Variants in MYLIP observed in about 807,000 individuals in gnomAD.
The protein encoded by MYLIP is E3 ubiquitin-protein ligase MYLIP.
A neutral mutation model predicts 45.8 loss-of-function variants in MYLIP; 26 were observed. The observed-to-expected ratio is 0.57, with a 90% CI of 0.42 to 0.79. MYLIP has a LOEUF of 0.79. Among genes scored for constraint, MYLIP ranks in the 30% least tolerant of loss-of-function variants. MYLIP has a pLI of 0.00. For missense variants in MYLIP, 494 were observed against 555.6 expected (o/e 0.89, Z 1.11); for synonymous variants, 213 against 218.1 (o/e 0.98, Z 0.21).
chr6:16,158,890 A>G, the MYLIP span, among the ~76,000 whole-genome samples: 1 of 152,126 alleles, frequency 6.6e-6, no homozygotes, highest in East Asian at 1.9e-4. Context: ...AAAACAAAAC[A>G]AAACAAAGAT....
chr6:16,129,142 C>T lies in MYLIP; in HGVS notation c.-181C>T, dbSNP rs1308581678. 9 of 595,268 alleles carry T rather than the reference C, an allele frequency of 1.5e-5. No homozygotes were observed. The highest frequency in any genetic ancestry group is 2.3e-5 in the Non-Finnish European group (8 of 344,280). 36.9% of individuals were successfully genotyped at this position (595,268 alleles called of 1,614,324 possible). A position where few individuals can be genotyped will look rare whatever the true frequency, so the allele number is the denominator to read the frequency against. On this transcript the variant is annotated 5_prime_UTR_variant, in exon 1 of 7. Coordinates refer to ENST00000356840, the MANE Select transcript of MYLIP (RefSeq NM_013262.4). This position sits in a 1 kb window ranked among gnomAD's most constrained non-coding sequence, Gnocchi z 5.1. ...GAGGACAGGGGCAGCTGGCGGGCAG[C>T]GGGTGAGGGGGTGGCGGGGACGCGA...
intron 2 of MYLIP, among the ~76,000 whole-genome samples, chr6:16,131,974 G>C (rs1403709011): frequency 6.6e-6 from 1 of 152,126 alleles, no homozygotes; most frequent in African/African-American, 2.4e-5. Context: ...GTATTAATCA[G>C]AATAGACTTT....
At chr6:16,138,461 T>A (rs577912528) in intron 2 of MYLIP, among the ~76,000 whole-genome samples, 1 of 152,322 alleles carries the variant, frequency 6.6e-6, no homozygotes, top group South Asian at 2.1e-4. Flanking sequence ...GTTGGAAACA[T>A]GTCTCTGAGC....
At chr6:16,130,118 C>T (rs1581599797) in intron 1 of MYLIP, among the ~76,000 whole-genome samples, 2 of 152,198 alleles carry the variant, frequency 1.3e-5, no homozygotes, top group Middle Eastern at 3.2e-3. Flanking sequence ...GCTTGTGAAG[C>T]TTAGCTGACA....
chr6:16,161,359 C>T, the MYLIP span: 4 of 246,780 alleles, frequency 1.6e-5, no homozygotes, highest in Non-Finnish European at 3.3e-5. Flanking sequence ...TGTGCCTTCT[C>T]CTGCTGCTGC....
At chr6:16,153,700 G>A in the MYLIP span, among the ~76,000 whole-genome samples, 1 of 152,194 alleles carries the variant, frequency 6.6e-6, no homozygotes, top group Admixed American at 6.5e-5. Context: ...GTGTGCCAGA[G>A]TTAGGGGAGA....
At position 16,141,939 on chromosome 6, in the gene MYLIP, G is replaced by A. The variant is rs148538197; in HGVS notation, c.464+129G>A. ...TACATTTTTGAGCTCTCTGATGTTCGAGGCACTTAAGAAGTCATACATAAT... is the reference window on the plus strand; with the variant it reads ...TACATTTTTGAGCTCTCTGATGTTCAAGGCACTTAAGAAGTCATACATAAT... On this transcript the variant is annotated intron_variant, in intron 3 of 6. Transcript: ENST00000356840. 721 of 845,344 alleles carry A rather than the reference G, an allele frequency of 8.5e-4. 6 individuals carry two copies. The African/African-American group carries it at 0.011, about 13-fold the overall frequency. 52.4% of individuals were successfully genotyped at this position (845,344 alleles called of 1,614,324 possible).
chr6:16,143,995 T>C lies in MYLIP; in HGVS notation c.827+132T>C, dbSNP rs1020345790. ...CAGAATTTAAGAAATTCTGAACATTTTGTTTCCGTAGTAGCAGTGGAGTCC... is the reference window on the plus strand; with the variant it reads ...CAGAATTTAAGAAATTCTGAACATTCTGTTTCCGTAGTAGCAGTGGAGTCC... On this transcript the variant is annotated intron_variant, in intron 5 of 6. Transcript: ENST00000356840. The C allele has an allele frequency of 2.7e-6, 3 of 1,101,434 alleles. No individual in the cohort carries two copies. In the African/African-American group the frequency reaches 4.8e-5, roughly 17 times the overall value. 68.2% of individuals were successfully genotyped at this position (1,101,434 alleles called of 1,614,324 possible).
chr6:16,153,247 G>T (rs1035550612), downstream of MYLIP, among the ~76,000 whole-genome samples: 7 of 152,184 alleles, frequency 4.6e-5, no homozygotes, highest in African/African-American at 7.2e-5. Flanking sequence ...GAATTTAAAA[G>T]CTCGTCTCCA....
At chr6:16,154,986 T>A in the MYLIP span, among the ~76,000 whole-genome samples, 1 of 152,160 alleles carries the variant, frequency 6.6e-6, no homozygotes, top group Non-Finnish European at 1.5e-5. Context: ...GAAAGGACTG[T>A]GGAAATCAAC....
At chr6:16,141,112 A>G (rs933676872) in intron 2 of MYLIP, among the ~76,000 whole-genome samples, 4 of 152,184 alleles carry the variant, frequency 2.6e-5, no homozygotes, top group African/African-American at 9.7e-5. Flanking sequence ...AATGAGCCAA[A>G]ATTGAGGTAC....
At chr6:16,134,948 C>T (rs1490797184) in intron 2 of MYLIP, among the ~76,000 whole-genome samples, 2 of 151,980 alleles carry the variant, frequency 1.3e-5, no homozygotes, top group Admixed American at 1.3e-4. Context: ...TTTAAAACGA[C>T]ATGTAAAATT....
intron 5 of MYLIP, among the ~76,000 whole-genome samples, chr6:16,144,171 A>G (rs889483530): frequency 1.3e-5 from 2 of 152,136 alleles, no homozygotes; most frequent in African/African-American, 4.8e-5. Flanking sequence ...AATCAATACA[A>G]CAACCCTAAG....
In MYLIP at chr6:16,146,685, T is replaced by C. The variant is rs778312235; in HGVS notation, c.1272T>C (p.Arg424=). 6.2e-7 allele frequency: 1 copy of C among 1,611,618 alleles called. No homozygotes were observed. The highest frequency in any genetic ancestry group is 1.7e-5 in the Admixed American group (1 of 59,918). ...QLQSCPVCRS[R]VEHVQHVYLP... ...AGTCATGTCCCGTCTGCAGGTCGCG[T>C]GTGGAGCATGTCCAGCACGTCTATC... The change falls in exon 7 of 7, where the codon CGT becomes CGC. Residue 424 remains arginine (R), a synonymous_variant. Coordinates refer to ENST00000356840, the MANE Select transcript of MYLIP (RefSeq NM_013262.4).
rs528361666 is a variant in MYLIP, at chr6:16,145,462, A to C, written c.1248+145A>C. ...AAAGGGTCTTTGTATTTGGTGACCTAAAAGGCATTGCCCTTTAGAAACATT... is the reference window on the plus strand; with the variant it reads ...AAAGGGTCTTTGTATTTGGTGACCTCAAAGGCATTGCCCTTTAGAAACATT... On this transcript the variant is annotated intron_variant, in intron 6 of 6. Coordinates refer to ENST00000356840, the MANE Select transcript of MYLIP (RefSeq NM_013262.4). 2.2e-4 allele frequency: 191 copies of C among 852,852 alleles called. 3 individuals are homozygous for C. In the African/African-American group the frequency reaches 2.7e-3, roughly 12 times the overall value. The allele number at this position is 852,852 out of a possible 1,614,324, so 52.8% of individuals were successfully genotyped here.
At chr6:16,143,895 A>C (rs1374901353) in intron 5 of MYLIP, 32 bp downstream of exon 5, 1 of 1,595,750 alleles carries the variant, frequency 6.3e-7, no homozygotes, top group Non-Finnish European at 8.6e-7. Flanking sequence ...TCACCTCAGC[A>C]CCACAGCTCT....
At position 16,129,580 on chromosome 6, in the gene MYLIP, C is replaced by T. The variant is rs1581599425; in HGVS notation, c.87+171C>T. Among the ~76,000 whole-genome samples the T allele has an allele frequency of 6.6e-6, 1 of 152,138 alleles. No individual in the cohort carries two copies. Among genetic ancestry groups the T allele is most frequent in the Non-Finnish European group, 1.5e-5 (1 of 67,996 alleles). On this transcript the variant is annotated intron_variant, in intron 1 of 6. Coordinates refer to ENST00000356840, the MANE Select transcript of MYLIP (RefSeq NM_013262.4). The surrounding 1 kb of genome is among the most constrained non-coding windows in gnomAD (Gnocchi z 5.1). Reference sequence around the variant, plus strand: ...ACGGGCGTGGGGCGCGCGGTCTCCTCCTGGCGCGCGTGGGGTGCGCGGAGA... The same window carrying T: ...ACGGGCGTGGGGCGCGCGGTCTCCTTCTGGCGCGCGTGGGGTGCGCGGAGA...
chr6:16,160,647 C>T, the MYLIP span, among the ~76,000 whole-genome samples: 1 of 152,006 alleles, frequency 6.6e-6, no homozygotes, highest in Non-Finnish European at 1.5e-5. Context: ...ACAAAAAATA[C>T]AAAAATTAGT....
At chr6:16,157,971 G>A in the MYLIP span, among the ~76,000 whole-genome samples, 2 of 152,230 alleles carry the variant, frequency 1.3e-5, no homozygotes, top group African/African-American at 2.4e-5. Context: ...TTCAGCAGGA[G>A]TGTTTTATTG....
Sources: gnomAD v4.1 joint callset for allele counts (sites outside exome capture counted in the v4.1 genomes callset) on GRCh38, gnomAD v4.1.1 for gene constraint, Gnocchi (gnomAD v3.1) non-coding constraint, MANE v1.5 for transcripts, NCBI Gene and HGNC (gene_info 2026-07-23, HGNC 2026-07-21) for gene names.